The following DDX60L variants were observed in gnomAD, a reference collection of about 807,000 sequenced individuals.
The protein encoded by DDX60L is DExD/H-box 60 like, also known as probable ATP-dependent RNA helicase DDX60-like.
In DDX60L, 191 loss-of-function variants were observed where a neutral mutation model predicts 211.6. The ratio of observed to expected loss-of-function variants is 0.90; its 90% CI spans 0.80 to 1.02. The LOEUF is 1.02. DDX60L is among the 50% of genes least tolerant of loss of function. The probability of loss-of-function intolerance (pLI) is 0.00; values close to 1 mark genes in which losing one functional copy is unlikely to be tolerated. For missense variants in DDX60L, 2,007 were observed against 1,984.1 expected (o/e 1.01, Z -0.22); for synonymous variants, 706 against 694.1 (o/e 1.02, Z -0.27).
intron 36 of DDX60L, among the ~76,000 whole-genome samples, chr4:168,365,135 C>G (rs1739751487): frequency 1.3e-5 from 2 of 151,784 alleles, no homozygotes; most frequent in African/African-American, 2.4e-5. Flanking sequence ...TATACAAGAA[C>G]AAACTAAACC....
chr4:168,376,754 T>C (rs1579238864), intron 33 of DDX60L, among the ~76,000 whole-genome samples: 1 of 152,336 alleles, frequency 6.6e-6, no homozygotes, highest in African/African-American at 2.4e-5. Flanking sequence ...CTTGTGTTGT[T>C]TGCCACCTTC....
At position 168,430,459 on chromosome 4, in the gene DDX60L, T is replaced by C. The variant is rs1299448804; in HGVS notation, c.1677+19A>G. ...AACAACATCAAAGAAAAAAATTAGG[T>C]AAAATCTTTGCGATCTACCTGTAAT... On this transcript the variant is annotated intron_variant, in intron 13 of 37. Coordinates refer to ENST00000682922, the MANE Select transcript of DDX60L (RefSeq NM_001012967.3). 2 of 1,551,116 alleles carry C rather than the reference T, an allele frequency of 1.3e-6. No individual in the cohort carries two copies. The highest frequency in any genetic ancestry group is 1.7e-6 in the Non-Finnish European group (2 of 1,154,342).
chr4:168,407,409 G>A (rs193006260), intron 22 of DDX60L, among the ~76,000 whole-genome samples: 10 of 152,274 alleles, frequency 6.6e-5, no homozygotes, highest in African/African-American at 2.4e-4. Flanking sequence ...TGTCCTCATA[G>A]CCTTTGTGTT....
chr4:168,359,832 C>A (rs536499247), intron 37 of DDX60L, among the ~76,000 whole-genome samples: 107 of 152,280 alleles, frequency 7.0e-4, no homozygotes, highest in African/African-American at 2.1e-3. Context: ...CCTGTCACAA[C>A]CTCCACATTC....
At chr4:168,406,752 A>G (rs1561004509) in intron 22 of DDX60L, 46 bp from the exon 23 acceptor site, 1 of 1,299,584 alleles carries the variant, frequency 7.7e-7, no homozygotes, top group Non-Finnish European at 1.1e-6. Context: ...TAAAATTACA[A>G]TGTTTATATT....
At chr4:168,372,282 G>A (rs145949000) in intron 35 of DDX60L, among the ~76,000 whole-genome samples, 104 of 152,182 alleles carry the variant, frequency 6.8e-4, no homozygotes, top group Admixed American at 2.0e-3. Flanking sequence ...CAGAAGAGGA[G>A]AAAATGAAGA....
Position 168,423,830 on chromosome 4 carries a change from C to T in DDX60L, c.1931-56G>A, listed in dbSNP as rs924208437. 1.2e-5 allele frequency: 14 copies of T among 1,142,314 alleles called. 1 individual carries two copies. The Admixed American group carries it at 3.9e-4, about 32-fold the overall frequency. 70.8% of individuals were successfully genotyped at this position (1,142,314 alleles called of 1,614,324 possible). ...AGAACACCAAAAATAACTGGTTGAT[C>T]ACTTACGACAATCATTGAGTTAATC... On this transcript the variant is annotated intron_variant, in intron 14 of 37. Coordinates refer to ENST00000682922, the MANE Select transcript of DDX60L (RefSeq NM_001012967.3).
chr4:168,452,470 C>T (rs1255674910), intron 8 of DDX60L, among the ~76,000 whole-genome samples: 4 of 152,058 alleles, frequency 2.6e-5, no homozygotes, highest in Non-Finnish European at 5.9e-5. Context: ...GAATGGGTAC[C>T]CCATTCTCCA....
chr4:168,390,384 T>TA, intron 29 of DDX60L: 1 of 1,202,564 alleles, frequency 8.3e-7, no homozygotes, highest in Non-Finnish European at 1.0e-6. Context: ...TAAAAGGTGA[T>TA]ATGGTCTATA....
rs1038839377 is a variant in DDX60L at position 168,361,128 on chromosome 4, C to A, written c.4991+21G>T. 3.8e-6 allele frequency: 6 copies of A among 1,567,792 alleles called. No homozygotes were observed. The African/African-American group carries it at 5.4e-5, about 14-fold the overall frequency. On this transcript the variant is annotated intron_variant, in intron 37 of 37. Transcript: ENST00000682922. The stretch of plus-strand genomic sequence containing the variant: ...ACTATCATTAAATAATTGAGAAAAT[C>A]AAACTCAGCATGAAACATACCTGAT...
At chr4:168,438,831 G>A (rs565672662) in intron 10 of DDX60L, among the ~76,000 whole-genome samples, 1 of 152,296 alleles carries the variant, frequency 6.6e-6, no homozygotes, top group East Asian at 1.9e-4. Flanking sequence ...CAGAAATGAG[G>A]ACTCTAATAG....
chr4:168,420,344 G>A lies in DDX60L; in HGVS notation c.2431C>T (p.Arg811Cys), dbSNP rs762945636. 1.1e-5 allele frequency: 17 copies of A among 1,610,826 alleles called. No individual in the cohort carries two copies. Among genetic ancestry groups the A allele is most frequent in the South Asian group, 2.2e-5 (2 of 90,206 alleles). The change falls in exon 18 of 38, where the codon CGT becomes TGT. Residue 811 changes from arginine (R) to cysteine (C), a missense_variant. Coordinates refer to ENST00000682922, the MANE Select transcript of DDX60L (RefSeq NM_001012967.3). The part of the protein sequence containing the change: ...VGQVAATVEN[R>C]FTKTLPAGRT... ...CCGGCAGGCAACGTTTTAGTAAAACGATTCTCAACAGTTGCAGCCACTTGA... is the reference window on the plus strand; with the variant it reads ...CCGGCAGGCAACGTTTTAGTAAAACAATTCTCAACAGTTGCAGCCACTTGA...
intron 28 of DDX60L, among the ~76,000 whole-genome samples, chr4:168,391,966 T>A (rs953506503): frequency 6.6e-6 from 1 of 152,160 alleles, no homozygotes; most frequent in Non-Finnish European, 1.5e-5. Flanking sequence ...TGTTTACTTG[T>A]CCCCCCAAGA....
intron 27 of DDX60L, among the ~76,000 whole-genome samples, chr4:168,394,952 A>G (rs558973385): frequency 2.1e-4 from 32 of 152,312 alleles, no homozygotes; most frequent in African/African-American, 7.7e-4. Context: ...CTTTTCAAGC[A>G]AAGAGAGAGA....
At chr4:168,421,448 T>A (rs1373179635) in intron 17 of DDX60L, among the ~76,000 whole-genome samples, 2 of 152,004 alleles carry the variant, frequency 1.3e-5, no homozygotes, top group Non-Finnish European at 2.9e-5. Context: ...TCACCTGAGG[T>A]GATCAAGACC....
chr4:168,418,607 T>C (rs912086335), intron 19 of DDX60L, among the ~76,000 whole-genome samples: 3 of 152,024 alleles, frequency 2.0e-5, no homozygotes, highest in African/African-American at 7.2e-5. Flanking sequence ...AAAAAAGGAG[T>C]AGATTCACTA....
At chr4:168,381,496 A>G (rs1271847378) in intron 30 of DDX60L, among the ~76,000 whole-genome samples, 1 of 152,184 alleles carries the variant, frequency 6.6e-6, no homozygotes, top group African/African-American at 2.4e-5. Context: ...CAAATTAAAA[A>G]TCTAATTTAA....
At position 168,441,354 on chromosome 4, in the gene DDX60L, T is replaced by A. The variant is rs781608302; in HGVS notation, c.1277A>T (p.Glu426Val). 1.2e-6 allele frequency: 2 copies of A among 1,608,364 alleles called. No individual in the cohort carries two copies. The highest frequency in any genetic ancestry group is 1.7e-6 in the Non-Finnish European group (2 of 1,177,830). ...TTTAGTACCTTGAATGACCGATTTC[T>A]CTTGTCTAAGAAAATGTCTTCTTGT... ...RTTRRHFLRQ[E>V]KSVIQEISLE... The change falls in exon 10 of 38, where the codon GAG (glutamate) becomes GTG (valine). Residue 426 changes from glutamate (E) to valine (V), a missense_variant. Physicochemically the swap from Glu to Val is moderately radical, Grantham distance 121. Coordinates refer to ENST00000682922, the MANE Select transcript of DDX60L (RefSeq NM_001012967.3).
intron 9 of DDX60L, among the ~76,000 whole-genome samples, chr4:168,442,922 G>A (rs1211753437): frequency 1.3e-5 from 2 of 151,898 alleles, no homozygotes; most frequent in Admixed American, 6.6e-5. Context: ...CCACAAAGAT[G>A]GGGAAAAAAC....
Sources: allele counts gnomAD v4.1 joint callset (sites outside exome capture counted in the v4.1 genomes callset), GRCh38; gene constraint gnomAD v4.1.1; transcripts MANE v1.5; gene names NCBI Gene and HGNC (gene_info 2026-07-23, HGNC 2026-07-21).